The following SYN2 variants were observed in gnomAD, a reference collection of about 807,000 sequenced individuals.
SYN2 encodes synapsin-2.
In SYN2, 19 loss-of-function variants were observed where a neutral mutation model predicts 50.9. The ratio of observed to expected loss-of-function variants is 0.37; its 90% CI spans 0.26 to 0.55. SYN2 has a LOEUF of 0.55. Among genes scored for constraint, SYN2 ranks in the 20% least tolerant of loss-of-function variants. The probability of loss-of-function intolerance (pLI) is 0.81; values close to 1 mark genes in which losing one functional copy is unlikely to be tolerated. For synonymous variants in SYN2, 255 were observed against 224.9 expected, an observed-to-expected ratio of 1.13 and a Z score of -1.20; for missense variants, 587 against 576.4, an observed-to-expected ratio of 1.02 and a Z score of -0.19.
chr3:12,044,916 C>T (rs916006450), intron 1 of SYN2, among the ~76,000 whole-genome samples: 3 of 151,932 alleles, frequency 2.0e-5, no homozygotes, highest in African/African-American at 7.3e-5. Flanking sequence ...TTCACAATTA[C>T]CTGAAATAAT....
intron 7 of SYN2, 117 bp downstream of exon 7, chr3:12,162,271 C>A: frequency 7.4e-7 from 1 of 1,345,624 alleles, no homozygotes; most frequent in Non-Finnish European, 1.0e-6. Context: ...ATTTTTTTAC[C>A]TGGGTTCCTT....
At chr3:12,019,249 G>A (rs1031379694) in intron 1 of SYN2, among the ~76,000 whole-genome samples, 9 of 152,192 alleles carry the variant, frequency 5.9e-5, no homozygotes, top group Admixed American at 3.3e-4. Flanking sequence ...AAATCAGCAG[G>A]TTCTTGGGAC....
At chr3:12,082,933 T>C (rs888680294) in intron 1 of SYN2, among the ~76,000 whole-genome samples, 2 of 152,112 alleles carry the variant, frequency 1.3e-5, no homozygotes, top group African/African-American at 4.8e-5. Context: ...AGAGAGTCCA[T>C]TGGATTTCTT....
At chr3:12,044,269 A>G (rs1367718151) in intron 1 of SYN2, among the ~76,000 whole-genome samples, 1 of 152,082 alleles carries the variant, frequency 6.6e-6, no homozygotes, top group Admixed American at 6.6e-5. Flanking sequence ...AGACATGAAC[A>G]TGAATAGCAT....
intron 11 of SYN2, 163 bp downstream of exon 11, chr3:12,183,535 C>A (rs1312075147): frequency 1.9e-6 from 3 of 1,539,026 alleles, no homozygotes; most frequent in African/African-American, 1.4e-5. Flanking sequence ...CCACTGGTGC[C>A]GTTGCTGCGT....
chr3:12,132,679 A>T (rs1249249926), intron 1 of SYN2, among the ~76,000 whole-genome samples: 1 of 152,218 alleles, frequency 6.6e-6, no homozygotes, highest in African/African-American at 2.4e-5. Context: ...ACTTTTGTCC[A>T]GATAAGTGGA....
chr3:12,133,259 A>G (rs1389080418), intron 1 of SYN2, among the ~76,000 whole-genome samples: 1 of 152,366 alleles, frequency 6.6e-6, no homozygotes, highest in East Asian at 1.9e-4. Flanking sequence ...TTTATCTGGG[A>G]AAGTATTCAT....
At chr3:12,087,787 A>G (rs995583111) in intron 1 of SYN2, among the ~76,000 whole-genome samples, 7 of 152,100 alleles carry the variant, frequency 4.6e-5, no homozygotes, top group African/African-American at 1.7e-4. Context: ...TGCGTTTATG[A>G]TCAATTGATT....
intron 10 of SYN2, among the ~76,000 whole-genome samples, chr3:12,182,342 T>G (rs1312985160): frequency 1.3e-5 from 2 of 152,190 alleles, no homozygotes. Context: ...AGCCCCTCAT[T>G]GACATCACCG....
intron 1 of SYN2, among the ~76,000 whole-genome samples, chr3:12,049,879 C>G (rs1377129674): frequency 1.3e-5 from 2 of 152,176 alleles, no homozygotes; most frequent in South Asian, 2.1e-4. Context: ...TTGGAGAGCT[C>G]TAAGCAGGCA....
intron 1 of SYN2, among the ~76,000 whole-genome samples, chr3:12,094,311 CAGGATGG>C (rs1695884547): frequency 6.6e-6 from 1 of 152,170 alleles, no homozygotes; most frequent in Non-Finnish European, 1.5e-5. Flanking sequence ...GCCCCAGAAA[CAGGATGG>C]AGGAAGGAGT....
At chr3:12,104,144 T>G (rs1035109413) in intron 1 of SYN2, among the ~76,000 whole-genome samples, 10 of 152,196 alleles carry the variant, frequency 6.6e-5, no homozygotes, top group African/African-American at 2.4e-4. Flanking sequence ...TATTTATTTA[T>G]GTTTTAGAGA....
At chr3:12,120,424 G>A (rs1696529786) in intron 1 of SYN2, among the ~76,000 whole-genome samples, 1 of 152,136 alleles carries the variant, frequency 6.6e-6, no homozygotes, top group Non-Finnish European at 1.5e-5. Context: ...TCTTGTTATT[G>A]TTTTTCTCTA....
chr3:12,187,459 CCT>C lies in SYN2; in HGVS notation c.1463_1464del (p.Ser488PhefsTer63). 6.4e-7 allele frequency: 1 copy of C among 1,552,300 alleles called. No individual in the cohort carries two copies. Among genetic ancestry groups the C allele is most frequent in the Non-Finnish European group, 8.7e-7 (1 of 1,146,644 alleles). ...CCTGGACCATCACTGCCACCTTCCT[CCT>C]CTTCCTCCTCTTCTTCCTCCTCCTC... On this transcript the variant is annotated frameshift_variant, in exon 12 of 13. Coordinates refer to ENST00000621198, the MANE Select transcript of SYN2 (RefSeq NM_133625.6). LOFTEE classifies it high-confidence loss of function.
chr3:12,177,819 C>T (rs1698118100), intron 10 of SYN2, among the ~76,000 whole-genome samples: 1 of 152,202 alleles, frequency 6.6e-6, no homozygotes, highest in Non-Finnish European at 1.5e-5. Flanking sequence ...GAGTGACCTG[C>T]CCCTCAGTGC....
At chr3:12,033,124 G>A (rs961756852) in intron 1 of SYN2, among the ~76,000 whole-genome samples, 21 of 151,818 alleles carry the variant, frequency 1.4e-4, no homozygotes, top group Non-Finnish European at 1.3e-4. Flanking sequence ...CTGCAGGTCT[G>A]TTGGAATACC....
intron 1 of SYN2, among the ~76,000 whole-genome samples, chr3:12,114,263 A>G (rs764866435): frequency 6.6e-6 from 1 of 152,110 alleles, no homozygotes; most frequent in Non-Finnish European, 1.5e-5. Context: ...AGAACTATCT[A>G]TTCAAGTCCT....
In SYN2 at chr3:12,005,996, G is replaced by T. The variant is rs953461516; in HGVS notation, c.377+1068G>T. 1.9e-4 allele frequency among the ~76,000 whole-genome samples: 28 copies of T among 146,012 alleles called. 1 individual carries two copies. Among genetic ancestry groups the T allele is most frequent in the African/African-American group, 3.0e-4 (12 of 39,806 alleles). ...CTCCAGGAATGTGAGCAAGGGTTTT[G>T]TTTTTTTTTTTTTCTCATAGGGGTT... On this transcript the variant is annotated intron_variant, in intron 1 of 12. Transcript: ENST00000621198.
chr3:12,099,279 G>A (rs144547367), intron 1 of SYN2, among the ~76,000 whole-genome samples: 50 of 152,184 alleles, frequency 3.3e-4, no homozygotes, highest in Non-Finnish European at 5.9e-4. Context: ...AGGGCACATG[G>A]AACATTCTTT....
Sources: allele counts gnomAD v4.1 joint callset (sites outside exome capture counted in the v4.1 genomes callset), GRCh38; gene constraint gnomAD v4.1.1; transcripts MANE v1.5; gene names NCBI Gene and HGNC (gene_info 2026-07-23, HGNC 2026-07-21).